Variants in DOCK2 observed in about 807,000 individuals in gnomAD.
DOCK2 encodes dedicator of cytokinesis protein 2.
DOCK2 carries 87 observed loss-of-function variants against 248.9 expected under a neutral mutation model. That is an observed-to-expected ratio of 0.35 (90% CI 0.29 to 0.42). The LOEUF (loss-of-function observed/expected upper bound fraction) is 0.42. Among genes scored for constraint, DOCK2 ranks in the 10% least tolerant of loss-of-function variants. DOCK2 has a pLI of 1.00. For synonymous variants in DOCK2, 805 were observed against 821.6 expected (o/e 0.98, Z 0.35); for missense variants, 1,747 against 2,300.2 (o/e 0.76, Z 4.92).
At chr5:170,010,971 T>C (rs1163208914) in intron 32 of DOCK2, among the ~76,000 whole-genome samples, 1 of 152,232 alleles carries the variant, frequency 6.6e-6, no homozygotes, top group Non-Finnish European at 1.5e-5. Context: ...CTCCCAATTA[T>C]GCTGATGAAT....
intron 26 of DOCK2, among the ~76,000 whole-genome samples, chr5:169,820,330 G>A (rs1317801217): frequency 1.3e-5 from 2 of 152,166 alleles, no homozygotes; most frequent in African/African-American, 4.8e-5. Context: ...TCCTCAAGTG[G>A]GTCCCTGACC....
At chr5:169,792,787 A>G (rs1247074168) in intron 25 of DOCK2, among the ~76,000 whole-genome samples, 5 of 152,244 alleles carry the variant, frequency 3.3e-5, no homozygotes, top group African/African-American at 4.8e-5. Flanking sequence ...CATTCTAAGC[A>G]TTAGGAAACA....
At chr5:169,776,798 TG>T (rs1253556899) in intron 25 of DOCK2, among the ~76,000 whole-genome samples, 2 of 152,206 alleles carry the variant, frequency 1.3e-5, no homozygotes, top group African/African-American at 2.4e-5. Context: ...CCTGCTGCCC[TG>T]TGAAAAAGGT....
Position 169,699,266 on chromosome 5 carries a change from A to G in DOCK2, c.1056-116A>G, listed in dbSNP as rs1219788426. The G allele has an allele frequency of 2.2e-5, 20 of 900,966 alleles. 1 individual carries two copies. Among genetic ancestry groups the G allele is most frequent in the Non-Finnish European group, 2.0e-5 (12 of 591,060 alleles). 55.8% of individuals were successfully genotyped at this position (900,966 alleles called of 1,614,324 possible). Reference sequence around the variant, plus strand: ...TGGCATGTATATACCCTGGGCTGACATATGCAAACTCACTTTTCACCTGAG... The same window carrying G: ...TGGCATGTATATACCCTGGGCTGACGTATGCAAACTCACTTTTCACCTGAG... On this transcript the variant is annotated intron_variant, in intron 11 of 51. Transcript: ENST00000520908.
intron 36 of DOCK2, among the ~76,000 whole-genome samples, chr5:170,037,184 C>A (rs2338832): frequency 0.53 from 81,043 of 151,594 alleles, 22,038 homozygotes; most frequent in East Asian, 0.61. Flanking sequence ...AGCAACACAA[C>A]AAATGAAATA....
Position 170,075,980 on chromosome 5 carries a change from G to A in DOCK2, c.4762G>A (p.Glu1588Lys), listed in dbSNP as rs944315319. The A allele has an allele frequency of 3.1e-6, 5 of 1,614,054 alleles. No individual in the cohort carries two copies. Among genetic ancestry groups the A allele is most frequent in the Non-Finnish European group, 4.2e-6 (5 of 1,180,022 alleles). Residue 1588 changes from glutamate to lysine, a missense_variant, in exon 47 of 52, where the codon GAG becomes AAG. By Grantham distance (56) the Glu-to-Lys change is moderately conservative. Transcript: ENST00000520908. Reference protein sequence around the residue: ...PFLGAGIKIHEKRVSDNLRPF... With the variant: ...PFLGAGIKIHKKRVSDNLRPF... ...CTTGGGAGCTGGGATTAAGATCCAT[G>A]AGAAAAGGGTGTCAGATAACTTGCG... is the stretch of plus-strand genomic sequence containing the variant.
intron 22 of DOCK2, among the ~76,000 whole-genome samples, chr5:169,721,913 A>G (rs1208074811): frequency 6.6e-6 from 1 of 152,226 alleles, no homozygotes; most frequent in Non-Finnish European, 1.5e-5. Context: ...TCCTGAGTCA[A>G]AGTCTGGATC....
At position 169,681,897 on chromosome 5, in the gene DOCK2, G is replaced by T; in HGVS notation, c.606+18G>T. 6.2e-7 allele frequency: 1 copy of T among 1,611,736 alleles called. No individual in the cohort carries two copies. The highest frequency in any genetic ancestry group is 8.5e-7 in the Non-Finnish European group (1 of 1,179,152). On this transcript the variant is annotated intron_variant, in intron 7 of 51. Coordinates refer to ENST00000520908, the MANE Select transcript of DOCK2 (RefSeq NM_004946.3). ...AAGAAATGGTGAGCTTTACTAAATA[G>T]GCTTTGGCCAAGTGATACAATCATT...
chr5:169,950,985 T>C (rs954732043), intron 27 of DOCK2, among the ~76,000 whole-genome samples: 6 of 152,222 alleles, frequency 3.9e-5, no homozygotes, highest in African/African-American at 4.8e-5. Context: ...GGCGGTTGAA[T>C]GTAAACATTT....
chr5:170,041,122 C>T lies in DOCK2; in HGVS notation c.3733C>T (p.Leu1245Phe). 3 of 1,614,178 alleles carry T rather than the reference C, an allele frequency of 1.9e-6. No individual in the cohort carries two copies. Among genetic ancestry groups the T allele is most frequent in the Non-Finnish European group, 2.5e-6 (3 of 1,180,024 alleles). Residue 1245 changes from leucine to phenylalanine, a missense_variant, in exon 37 of 52, where the codon CTT becomes TTT. By Grantham distance (22) the Leu-to-Phe change is conservative (BLOSUM62 0). Coordinates refer to ENST00000520908, the MANE Select transcript of DOCK2 (RefSeq NM_004946.3). ...DNYTEAAYTLLLHTWLLKWSD... is the reference protein window; with the variant it reads ...DNYTEAAYTLFLHTWLLKWSD... The stretch of plus-strand genomic sequence containing the variant: ...TTACACAGAGGCTGCCTACACGCTC[C>T]TTCTCCACACCTGGCTTCTCAAGGT...
At chr5:169,642,522 T>C (rs1757206429) in intron 1 of DOCK2, among the ~76,000 whole-genome samples, 1 of 152,222 alleles carries the variant, frequency 6.6e-6, no homozygotes, top group African/African-American at 2.4e-5. Context: ...CTTGGAGGGA[T>C]ATTAATACAT....
At chr5:169,808,301 TG>T (rs1484494166) in intron 26 of DOCK2, among the ~76,000 whole-genome samples, 1 of 152,076 alleles carries the variant, frequency 6.6e-6, no homozygotes, top group Non-Finnish European at 1.5e-5. Flanking sequence ...AGCTTCCATT[TG>T]GGGGGCGCTG....
chr5:169,983,999 T>C (rs1219092435), intron 28 of DOCK2, among the ~76,000 whole-genome samples: 1 of 152,218 alleles, frequency 6.6e-6, no homozygotes, highest in Non-Finnish European at 1.5e-5. Flanking sequence ...ATAGAAAAAC[T>C]GGACTCCTAA....
chr5:169,847,102 G>A (rs1005588352), intron 27 of DOCK2, among the ~76,000 whole-genome samples: 2 of 152,242 alleles, frequency 1.3e-5, no homozygotes, highest in South Asian at 4.1e-4. Context: ...TAGCTGATGG[G>A]CACTTAGGTT....
intron 26 of DOCK2, among the ~76,000 whole-genome samples, chr5:169,832,817 G>A (rs1769313525): frequency 6.6e-6 from 1 of 152,014 alleles, no homozygotes; most frequent in Non-Finnish European, 1.5e-5. Flanking sequence ...GATTGCTGCT[G>A]TTTTCACTGT....
At chr5:169,883,511 T>C (rs1476243640) in intron 27 of DOCK2, 8 of 1,551,518 alleles carry the variant, frequency 5.2e-6, no homozygotes, top group Non-Finnish European at 7.0e-6. Context: ...TGGATGGCAC[T>C]TTGGGAGGCT....
At chr5:169,813,776 G>C (rs1767897844) in intron 26 of DOCK2, among the ~76,000 whole-genome samples, 3 of 152,158 alleles carry the variant, frequency 2.0e-5, no homozygotes, top group African/African-American at 4.8e-5. Context: ...ATAGCATTGA[G>C]AATGTCGAGG....
Position 169,714,034 on chromosome 5 carries a change from A to G in DOCK2, c.1666A>G (p.Ser556Gly), listed in dbSNP as rs199853621. ...FHDLVVLKGD[S>G]KKMEDASAYL... ...AACCAAGTGTTGTTTCCAGGGGGAC[A>G]GCAAGAAGATGGAGGATGCCAGCGC... is the stretch of plus-strand genomic sequence containing the variant. Residue 556 changes from serine to glycine, a missense_variant, in exon 18 of 52, where the codon AGC becomes GGC. Physicochemically the swap from Ser to Gly is moderately conservative, Grantham distance 56 (BLOSUM62 0). Coordinates refer to ENST00000520908, the MANE Select transcript of DOCK2 (RefSeq NM_004946.3). 2 of 1,596,122 alleles carry G rather than the reference A, an allele frequency of 1.3e-6. No homozygotes were observed. Among genetic ancestry groups the G allele is most frequent in the African/African-American group, 1.3e-5 (1 of 74,778 alleles).
chr5:169,967,969 G>A (rs953167688), intron 27 of DOCK2, among the ~76,000 whole-genome samples: 5 of 152,310 alleles, frequency 3.3e-5, no homozygotes, highest in African/African-American at 1.2e-4. Context: ...TGGGGAGGAG[G>A]AAGAAAGGTC....
Sources: gnomAD v4.1 joint callset for allele counts (sites outside exome capture counted in the v4.1 genomes callset) on GRCh38, gnomAD v4.1.1 for gene constraint, MANE v1.5 for transcripts, NCBI Gene and HGNC (gene_info 2026-07-23, HGNC 2026-07-21) for gene names.